Variants in SPATA17 observed in about 807,000 individuals in gnomAD.
The protein encoded by SPATA17 is spermatogenesis associated 17, also known as spermatogenesis-associated protein 17.
SPATA17 carries 53 observed loss-of-function variants against 62.2 expected under a neutral mutation model. The ratio of observed to expected loss-of-function variants is 0.85; its 90% CI spans 0.68 to 1.07. The LOEUF (loss-of-function observed/expected upper bound fraction) is 1.07. Among genes scored for constraint, SPATA17 ranks in the 50% least tolerant of loss-of-function variants. The pLI, the probability that SPATA17 is intolerant of heterozygous loss-of-function variation, is 0.00. For synonymous variants in SPATA17, 146 were observed against 146.8 expected, an observed-to-expected ratio of 0.99 and a Z score of 0.04; for missense variants, 466 against 425.5, an observed-to-expected ratio of 1.10 and a Z score of -0.84.
At chr1:217,789,837 C>A (rs1446920512) in intron 8 of SPATA17, among the ~76,000 whole-genome samples, 1 of 152,008 alleles carries the variant, frequency 6.6e-6, no homozygotes. Flanking sequence ...GAGTTCGAGA[C>A]CAGCCAGGCC....
intron 9 of SPATA17, among the ~76,000 whole-genome samples, chr1:217,810,385 T>G (rs1011355509): frequency 6.6e-6 from 1 of 152,086 alleles, no homozygotes; most frequent in Non-Finnish European, 1.5e-5. Flanking sequence ...AGAAACTACC[T>G]GGCCAAGGCA....
At chr1:217,825,810 G>C (rs1674987114) in intron 9 of SPATA17, among the ~76,000 whole-genome samples, 1 of 151,832 alleles carries the variant, frequency 6.6e-6, no homozygotes, top group Admixed American at 6.6e-5. Context: ...ATTAATAATT[G>C]AACTAACATT....
chr1:217,672,993 G>T (rs1449954624), intron 4 of SPATA17, among the ~76,000 whole-genome samples: 1 of 152,100 alleles, frequency 6.6e-6, no homozygotes, highest in African/African-American at 2.4e-5. Flanking sequence ...ATCAATGAAT[G>T]CTGGCCCATT....
chr1:217,655,089 A>G (rs1670413146), intron 3 of SPATA17, among the ~76,000 whole-genome samples: 1 of 152,202 alleles, frequency 6.6e-6, no homozygotes, highest in South Asian at 2.1e-4. Flanking sequence ...GACACTATTC[A>G]TATTTTACTG....
intron 9 of SPATA17, among the ~76,000 whole-genome samples, chr1:217,815,466 T>C (rs1189553297): frequency 1.3e-5 from 2 of 152,130 alleles, no homozygotes; most frequent in Admixed American, 6.6e-5. Flanking sequence ...GAGATGAACA[T>C]TTTTATGCAT....
chr1:217,706,569 G>T (rs1344146481), intron 5 of SPATA17, among the ~76,000 whole-genome samples: 1 of 152,198 alleles, frequency 6.6e-6, no homozygotes, highest in Non-Finnish European at 1.5e-5. Context: ...TGCCATGTAA[G>T]ATGTGCCTGC....
intron 5 of SPATA17, among the ~76,000 whole-genome samples, chr1:217,728,018 C>T (rs2102939290): frequency 6.6e-6 from 1 of 152,162 alleles, no homozygotes; most frequent in South Asian, 2.1e-4. Flanking sequence ...TTATCAGTAC[C>T]AAATCATTTA....
At chr1:217,859,307 G>A (rs995678721) in intron 9 of SPATA17, among the ~76,000 whole-genome samples, 6 of 147,724 alleles carry the variant, frequency 4.1e-5, no homozygotes, top group African/African-American at 1.5e-4. Flanking sequence ...AATTTTCTAT[G>A]TGTATACATT....
At chr1:217,802,638 A>G (rs1674341222) in intron 9 of SPATA17, among the ~76,000 whole-genome samples, 1 of 152,142 alleles carries the variant, frequency 6.6e-6, no homozygotes, top group African/African-American at 2.4e-5. Flanking sequence ...CCAAGGGACC[A>G]GGACTCTACC....
chr1:217,698,582 A>G (rs2102917418), intron 5 of SPATA17, among the ~76,000 whole-genome samples: 1 of 87,094 alleles, frequency 1.1e-5, no homozygotes, highest in Non-Finnish European at 2.5e-5. Context: ...GCAGTTATAA[A>G]AAAAAAAAAA....
At position 217,634,433 on chromosome 1, in the gene SPATA17, A is replaced by G. The variant is rs955696605; in HGVS notation, c.68+2987A>G. On this transcript the variant is annotated intron_variant, in intron 1 of 10. Coordinates refer to ENST00000366933, the MANE Select transcript of SPATA17 (RefSeq NM_138796.4). Reference sequence around the variant, plus strand: ...GAACCTGTCTTCTTGCACTGAGTCAATTCTGGGGTGGGGGCCACAAGGTCA... The same window carrying G: ...GAACCTGTCTTCTTGCACTGAGTCAGTTCTGGGGTGGGGGCCACAAGGTCA... Among the ~76,000 whole-genome samples, 13 of 151,904 alleles carry G rather than the reference A, an allele frequency of 8.6e-5. No homozygotes were observed. The East Asian group carries it at 9.7e-4, about 11-fold the overall frequency.
chr1:217,842,505 T>C (rs986931104), intron 9 of SPATA17, among the ~76,000 whole-genome samples: 18 of 151,950 alleles, frequency 1.2e-4, no homozygotes, highest in Non-Finnish European at 2.2e-4. Context: ...CTATTTCTTA[T>C]TTTGTTTGTT....
Position 217,797,543 on chromosome 1 carries a change from C to A in SPATA17, c.873-4175C>A, listed in dbSNP as rs192250066. ...GGGATTACAGGCATTAGCCACAGCA[C>A]CCGGCCTAAATTTACTGCTTTCTAT... On this transcript the variant is annotated intron_variant, in intron 8 of 10. Coordinates refer to ENST00000366933, the MANE Select transcript of SPATA17 (RefSeq NM_138796.4). 2.9e-3 allele frequency among the ~76,000 whole-genome samples: 449 copies of A among 152,222 alleles called. 6 individuals are homozygous for A. Among genetic ancestry groups the A allele is most frequent in the African/African-American group, 0.01 (427 of 41,520 alleles).
At chr1:217,679,783 G>C (rs1010160735) in intron 4 of SPATA17, among the ~76,000 whole-genome samples, 3 of 152,138 alleles carry the variant, frequency 2.0e-5, no homozygotes, top group African/African-American at 7.2e-5. Context: ...GCTGGGTTTG[G>C]AGAAGGAAAG....
chr1:217,649,941 T>TC (rs1670268236), intron 2 of SPATA17, among the ~76,000 whole-genome samples: 1 of 150,808 alleles, frequency 6.6e-6, no homozygotes, highest in African/African-American at 2.4e-5. Context: ...TCTCTTTTTT[T>TC]TTTTTTTTTT....
intron 9 of SPATA17, among the ~76,000 whole-genome samples, chr1:217,833,665 A>C (rs1052746605): frequency 6.6e-6 from 1 of 152,172 alleles, no homozygotes; most frequent in African/African-American, 2.4e-5. Flanking sequence ...GTGGGTTTTC[A>C]GTTTAATTCA....
chr1:217,648,183 C>A (rs531296061), intron 1 of SPATA17, among the ~76,000 whole-genome samples: 1 of 152,064 alleles, frequency 6.6e-6, no homozygotes, highest in African/African-American at 2.4e-5. Context: ...TGGTGCCTTC[C>A]GTTCATTATC....
At chr1:217,644,567 A>C (rs1226339905) in intron 1 of SPATA17, among the ~76,000 whole-genome samples, 2 of 152,166 alleles carry the variant, frequency 1.3e-5, no homozygotes, top group African/African-American at 4.8e-5. Context: ...GGGTCAGACT[A>C]AGCACAGTCT....
chr1:217,863,351 G>A (rs1675937829), intron 10 of SPATA17, among the ~76,000 whole-genome samples: 1 of 151,866 alleles, frequency 6.6e-6, no homozygotes, highest in Admixed American at 6.6e-5. Flanking sequence ...GGCTGGTCTC[G>A]AACTCCTGGC....
Sources: gnomAD v4.1 joint callset for allele counts (sites outside exome capture counted in the v4.1 genomes callset) on GRCh38, gnomAD v4.1.1 for gene constraint, MANE v1.5 for transcripts, NCBI Gene and HGNC (gene_info 2026-07-23, HGNC 2026-07-21) for gene names.